Variants in MBD5 observed in about 807,000 individuals in gnomAD.
MBD5 encodes methyl-CpG-binding domain protein 5.
Under a neutral mutation model 117.3 loss-of-function variants are expected in MBD5, and 13 were observed. That is an observed-to-expected ratio of 0.11 (90% CI 0.07 to 0.18). The LOEUF is 0.18. MBD5 is among the 10% of genes least tolerant of loss of function. The pLI, the probability that MBD5 is intolerant of heterozygous loss-of-function variation, is 1.00. For synonymous variants in MBD5, 727 were observed against 766.4 expected (o/e 0.95, Z 0.85); for missense variants, 1,879 against 2,093.8 (o/e 0.90, Z 2.00).
intron 2 of MBD5, among the ~76,000 whole-genome samples, chr2:148,217,577 A>G (rs1032521758): frequency 1.3e-5 from 2 of 152,230 alleles, no homozygotes; most frequent in Non-Finnish European, 2.9e-5. Flanking sequence ...CCATGTTTTC[A>G]TAAGATGTCT....
intron 2 of MBD5, among the ~76,000 whole-genome samples, chr2:148,229,573 G>T (rs1024626144): frequency 6.6e-6 from 1 of 152,052 alleles, no homozygotes; most frequent in African/African-American, 2.4e-5. Context: ...TGATGTCTGG[G>T]CATTTAAGGG....
At chr2:148,330,053 C>CCCCCCCCCCCCCCCCCCCCA (rs1559026394) in intron 3 of MBD5, among the ~76,000 whole-genome samples, 2 of 21,088 alleles carry the variant, frequency 9.5e-5, no homozygotes, top group African/African-American at 1.3e-4. Flanking sequence ...GCCCCCCCCA[C>CCCCCCCCCCCCCCCCCCCCA]ACACACACAC....
At chr2:148,470,565 C>T in intron 8 of MBD5, 104 bp downstream of exon 8, 1 of 920,088 alleles carries the variant, frequency 1.1e-6, no homozygotes, top group South Asian at 1.9e-5. Flanking sequence ...ATCCTTTCCC[C>T]ATTGTGAAAT....
intron 4 of MBD5, among the ~76,000 whole-genome samples, chr2:148,447,167 GAAAGGAAGAAGGAAA>G (rs1559075502): frequency 3.1e-5 from 4 of 128,766 alleles, no homozygotes; most frequent in African/African-American, 1.2e-4. Flanking sequence ...AAGAAAGGAA[GAAAGGAAGAAGGAAA>G]GAAAGAAAGA....
chr2:148,274,558 T>C (rs190062736), intron 3 of MBD5, among the ~76,000 whole-genome samples: 139 of 152,322 alleles, frequency 9.1e-4, no homozygotes, highest in African/African-American at 3.3e-3. Flanking sequence ...AGTTAAAACA[T>C]TTTGCATTTC....
At chr2:148,227,174 A>C (rs1368430765) in intron 2 of MBD5, among the ~76,000 whole-genome samples, 1 of 152,216 alleles carries the variant, frequency 6.6e-6, no homozygotes, top group African/African-American at 2.4e-5. Flanking sequence ...TGTTTTAGAC[A>C]GGAAGTCCTT....
chr2:148,051,741 A>C (rs1375798451), intron 1 of MBD5, among the ~76,000 whole-genome samples: 1 of 152,040 alleles, frequency 6.6e-6, no homozygotes, highest in Non-Finnish European at 1.5e-5. Flanking sequence ...ATGATATAAT[A>C]ATTCTTCTAG....
chr2:148,189,226 C>G lies in MBD5; in HGVS notation c.-831+10433C>G, dbSNP rs372182666. ...GGCTTGCTTAGGTAAACAAAGCAGC[C>G]GGGAAGCTCGAACTGGGTGGAGCCC... On this transcript the variant is annotated intron_variant, in intron 2 of 13. Transcript: ENST00000642680. 1.7e-3 allele frequency among the ~76,000 whole-genome samples: 255 copies of G among 147,580 alleles called. 1 individual carries two copies. The highest frequency in any genetic ancestry group is 6.4e-3 in the African/African-American group (249 of 39,132).
intron 3 of MBD5, among the ~76,000 whole-genome samples, chr2:148,272,847 G>A (rs1227507074): frequency 5.3e-5 from 8 of 151,980 alleles, no homozygotes; most frequent in African/African-American, 1.9e-4. Context: ...GCATTTGCCT[G>A]ATATATCTTT....
At chr2:148,328,343 C>T (rs1702525154) in intron 3 of MBD5, among the ~76,000 whole-genome samples, 1 of 152,128 alleles carries the variant, frequency 6.6e-6, no homozygotes, top group African/African-American at 2.4e-5. Context: ...GGCAGGCAGG[C>T]CTCCTTGAGC....
At chr2:148,308,495 T>C (rs75156213) in intron 3 of MBD5, among the ~76,000 whole-genome samples, 8,125 of 89,476 alleles carry the variant, frequency 0.091, 305 homozygotes, top group African/African-American at 0.2. Context: ...TTCTTTCTTT[T>C]TTTTTTTTTT....
intron 3 of MBD5, among the ~76,000 whole-genome samples, chr2:148,284,051 G>A (rs1259766040): frequency 6.6e-6 from 1 of 152,128 alleles, no homozygotes; most frequent in Non-Finnish European, 1.5e-5. Flanking sequence ...AGATACAGAT[G>A]TATTTTCCCT....
chr2:148,108,183 A>T (rs1204285939), intron 1 of MBD5, among the ~76,000 whole-genome samples: 2 of 152,206 alleles, frequency 1.3e-5, no homozygotes, highest in Non-Finnish European at 2.9e-5. Flanking sequence ...CTTTAAAAGC[A>T]TAGTCTCTAG....
At chr2:148,342,116 A>T (rs1702963112) in intron 3 of MBD5, 98 bp from the exon 4 acceptor site, 1 of 152,066 alleles carries the variant, frequency 6.6e-6, no homozygotes, top group African/African-American at 2.4e-5. Flanking sequence ...GCAAAGACTT[A>T]TTGATGTTTG....
chr2:148,496,420 T>G (rs1397639499), intron 11 of MBD5, among the ~76,000 whole-genome samples: 1 of 152,136 alleles, frequency 6.6e-6, no homozygotes, highest in Admixed American at 6.5e-5. Flanking sequence ...TAGTGAACTG[T>G]GAAATATTGT....
intron 2 of MBD5, among the ~76,000 whole-genome samples, chr2:148,199,905 G>T (rs910627053): frequency 6.6e-6 from 1 of 152,092 alleles, no homozygotes; most frequent in African/African-American, 2.4e-5. Context: ...AAGAAATAAA[G>T]TGATTTGATT....
rs77869098 is a variant in MBD5, at chr2:148,268,418, A to G, written c.-680+35023A>G. The stretch of plus-strand genomic sequence containing the variant: ...CTGTTATACTTTATGTTATCTTTCT[A>G]TTTATATGAGGCTCTCCTTGTTTTT... On this transcript the variant is annotated intron_variant, in intron 3 of 13. Transcript: ENST00000642680. 1.1e-4 allele frequency among the ~76,000 whole-genome samples: 16 copies of G among 151,798 alleles called. No individual in the cohort carries two copies. The South Asian group carries it at 2.3e-3, about 22-fold the overall frequency.
At chr2:148,287,882 C>T (rs920071108) in intron 3 of MBD5, among the ~76,000 whole-genome samples, 10 of 152,144 alleles carry the variant, frequency 6.6e-5, no homozygotes, top group Non-Finnish European at 1.3e-4. Context: ...GAGTTCTCAA[C>T]GTTGTTGCTT....
intron 2 of MBD5, among the ~76,000 whole-genome samples, chr2:148,207,948 G>C (rs1369551804): frequency 1.3e-5 from 2 of 152,086 alleles, no homozygotes; most frequent in Non-Finnish European, 2.9e-5. Context: ...CCACAAACCT[G>C]GTGTCTTAAT....
Sources: allele counts gnomAD v4.1 joint callset (sites outside exome capture counted in the v4.1 genomes callset), GRCh38; gene constraint gnomAD v4.1.1; transcripts MANE v1.5; gene names NCBI Gene and HGNC (gene_info 2026-07-23, HGNC 2026-07-21).